Variants in BCAS3 observed in about 807,000 individuals in gnomAD.
The protein encoded by BCAS3 is BCAS4/BCAS3 fusion.
A neutral mutation model predicts 116.1 loss-of-function variants in BCAS3; 53 were observed. The observed-to-expected ratio is 0.46, with a 90% confidence interval of 0.37 to 0.57. BCAS3 has a LOEUF of 0.57. Ranked by LOEUF, BCAS3 falls within the 20% of genes least tolerant of loss-of-function variation. The pLI is 0.00. For synonymous variants in BCAS3, 391 were observed against 408.2 expected (o/e 0.96, Z 0.51); for missense variants, 917 against 1,165.4 (o/e 0.79, Z 3.10).
chr17:60,784,515 GGATGGTCTC>G (rs1430816773), intron 6 of BCAS3, among the ~76,000 whole-genome samples: 1 of 151,266 alleles, frequency 6.6e-6, no homozygotes, highest in African/African-American at 2.4e-5. Flanking sequence ...ATGTTAGCCA[GGATGGTCTC>G]GATCTCTTGA....
rs903442401 is a variant in BCAS3, at chr17:61,366,800, C to T, written c.2426-1527C>T. Among the ~76,000 whole-genome samples the T allele has an allele frequency of 9.2e-5, 14 of 152,198 alleles. No individual in the cohort carries two copies. Among genetic ancestry groups the T allele is most frequent in the East Asian group, 3.8e-4 (2 of 5,196 alleles). The stretch of plus-strand genomic sequence containing the variant: ...CAGGAATCTTCCCTACAATTAGGTA[C>T]GAGATAAATCAAAGCCAAACTTGGC... On this transcript the variant is annotated intron_variant, in intron 22 of 23. Coordinates refer to ENST00000407086, the MANE Select transcript of BCAS3 (RefSeq NM_017679.5). This position sits in a 1 kb window ranked among gnomAD's most constrained non-coding sequence, Gnocchi z 4.5.
intron 22 of BCAS3, among the ~76,000 whole-genome samples, chr17:61,209,067 C>T (rs746338497): frequency 2.7e-5 from 4 of 150,520 alleles, no homozygotes; most frequent in Non-Finnish European, 5.9e-5. Flanking sequence ...CTGCCAAATC[C>T]AAGTAAACAT....
chr17:61,040,719 G>A lies in BCAS3; in HGVS notation c.1929-73G>A, dbSNP rs1390589868. ...TGTGAGTTTAAGTCACTGTTCATAA[G>A]TGATGACAGTCATGGTGATTTACAT... On this transcript the variant is annotated intron_variant, in intron 18 of 23. Transcript: ENST00000407086. 9 of 1,215,750 alleles carry A rather than the reference G, an allele frequency of 7.4e-6. No homozygotes were observed. In the Middle Eastern group the frequency reaches 5.7e-4, roughly 77 times the overall value. The allele number at this position is 1,215,750 out of a possible 1,614,324, so 75.3% of individuals were successfully genotyped here. A position where few individuals can be genotyped will look rare whatever the true frequency, so the allele number is the denominator to read the frequency against.
chr17:61,081,135 C>T (rs1210878081), intron 21 of BCAS3, among the ~76,000 whole-genome samples: 3 of 152,148 alleles, frequency 2.0e-5, no homozygotes, highest in South Asian at 2.1e-4. Context: ...AATAATAAAG[C>T]GTTTAAAATA....
rs72247548 is a variant in BCAS3 at position 61,231,869 on chromosome 17, C to CAAA, written c.2426-136442_2426-136440dup. ...CTCAAGCCTGGAAGAGACCCTGTCTCAAAAAAAAAAAAAAAAAAGAAAGAG... is the reference window on the plus strand; with the variant it reads ...CTCAAGCCTGGAAGAGACCCTGTCTCAAAAAAAAAAAAAAAAAAAAAGAAAGAG... On this transcript the variant is annotated intron_variant, in intron 22 of 23. Transcript: ENST00000407086. Among the ~76,000 whole-genome samples the CAAA allele has an allele frequency of 1.3e-3, 131 of 100,368 alleles. 4 individuals are homozygous for CAAA. The highest frequency in any genetic ancestry group is 1.7e-3 in the Non-Finnish European group (94 of 53,976). 65.8% of individuals were successfully genotyped at this position (100,368 alleles called of 152,430 possible).
chr17:61,100,745 C>T (rs918170094), intron 22 of BCAS3, among the ~76,000 whole-genome samples: 2 of 152,188 alleles, frequency 1.3e-5, no homozygotes, highest in African/African-American at 4.8e-5. Context: ...CAAAGAGAAA[C>T]TGTGTGGCTA....
rs115210864 is a variant in BCAS3 at position 60,712,654 on chromosome 17, T to A, written c.321+3329T>A. 2.4e-3 allele frequency among the ~76,000 whole-genome samples: 372 copies of A among 152,322 alleles called. 1 individual carries two copies. Among genetic ancestry groups the A allele is most frequent in the African/African-American group, 8.4e-3 (350 of 41,574 alleles). On this transcript the variant is annotated intron_variant, in intron 5 of 23. Transcript: ENST00000407086. ...TATGACATGTGAGTAGTTTTGTAGT[T>A]AAGGTTTAGTTTTTGTAGAGGTGAA...
chr17:61,172,965 GC>G (rs2078939210), intron 22 of BCAS3, among the ~76,000 whole-genome samples: 1 of 150,182 alleles, frequency 6.7e-6, no homozygotes, highest in Non-Finnish European at 1.5e-5. Context: ...TCCAGCCTGG[GC>G]GACAGAGCAA....
In BCAS3 at chr17:61,087,505, T is replaced by C. The variant is rs2073181256; in HGVS notation, c.2425+2941T>C. The stretch of plus-strand genomic sequence containing the variant: ...CAGTTTTTAAAGTGAAAATATTTTA[T>C]TTAAATCTTGGGTCTGCAGTTTATT... On this transcript the variant is annotated intron_variant, in intron 22 of 23. Transcript: ENST00000407086. The surrounding 1 kb of genome is among the most constrained non-coding windows in gnomAD (Gnocchi z 4.6). The C allele has an allele frequency of 6.6e-6, 1 of 152,374 alleles. No individual in the cohort carries two copies. Among genetic ancestry groups the C allele is most frequent in the South Asian group, 2.1e-4 (1 of 4,832 alleles). 9.4% of individuals were successfully genotyped at this position (152,374 alleles called of 1,614,324 possible).
chr17:61,311,877 G>C (rs1195211703), intron 22 of BCAS3, among the ~76,000 whole-genome samples: 6 of 149,072 alleles, frequency 4.0e-5, no homozygotes, highest in Non-Finnish European at 8.8e-5. Flanking sequence ...CTGGGTGACA[G>C]AGCGAGACTC....
rs145514852 is a variant in BCAS3, at chr17:61,378,114, G to C, written c.2593+9620G>C. 4.7e-3 allele frequency: 715 copies of C among 152,414 alleles called. 1 individual carries two copies. The highest frequency in any genetic ancestry group is 7.4e-3 in the Non-Finnish European group (503 of 68,118). 9.4% of individuals were successfully genotyped at this position (152,414 alleles called of 1,614,324 possible). Reference sequence around the variant, plus strand: ...CCAGGCTCCTTGCCATCATGTTTCTGTCTCTTACAGGCCTTCCCCACCTTC... The same window carrying C: ...CCAGGCTCCTTGCCATCATGTTTCTCTCTCTTACAGGCCTTCCCCACCTTC... On this transcript the variant is annotated intron_variant, in intron 23 of 23. Coordinates refer to ENST00000407086, the MANE Select transcript of BCAS3 (RefSeq NM_017679.5). The surrounding 1 kb of genome is among the most constrained non-coding windows in gnomAD (Gnocchi z 5.8).
chr17:61,151,295 C>G lies in BCAS3; in HGVS notation c.2425+66731C>G, dbSNP rs1244710358. Reference sequence around the variant, plus strand: ...GTATATAATGCAAATATTCTAAGATCTGAAAAAATTCAAAATTCAAAGCAC... The same window carrying G: ...GTATATAATGCAAATATTCTAAGATGTGAAAAAATTCAAAATTCAAAGCAC... On this transcript the variant is annotated intron_variant, in intron 22 of 23. Transcript: ENST00000407086. The surrounding 1 kb of genome is among the most constrained non-coding windows in gnomAD (Gnocchi z 4.8). Among the ~76,000 whole-genome samples, 1 of 152,008 alleles carries G rather than the reference C, an allele frequency of 6.6e-6. No individual in the cohort carries two copies. The highest frequency in any genetic ancestry group is 2.4e-5 in the African/African-American group (1 of 41,374).
intron 22 of BCAS3, among the ~76,000 whole-genome samples, chr17:61,254,550 G>A (rs1213098636): frequency 4.6e-5 from 7 of 151,960 alleles, no homozygotes; most frequent in African/African-American, 9.6e-5. Flanking sequence ...AGGCCGTGGC[G>A]GGCGGATCAC....
At chr17:60,698,051 C>T (rs1193101444) in intron 4 of BCAS3, among the ~76,000 whole-genome samples, 1 of 151,488 alleles carries the variant, frequency 6.6e-6, no homozygotes. Flanking sequence ...TGGTGACGGG[C>T]GCCTGTAGTC....
chr17:61,208,283 G>A lies in BCAS3; in HGVS notation c.2425+123719G>A, dbSNP rs2081262261. ...CACTGTGTTTCATTTTGTCTAAAGC[G>A]GGACTCTTCTCCTCCCAGGGACCAG... On this transcript the variant is annotated intron_variant, in intron 22 of 23. Transcript: ENST00000407086. The surrounding 1 kb of genome is among the most constrained non-coding windows in gnomAD (Gnocchi z 4.5). 2.0e-5 allele frequency among the ~76,000 whole-genome samples: 3 copies of A among 152,086 alleles called. No individual in the cohort carries two copies. The highest frequency in any genetic ancestry group is 2.1e-4 in the South Asian group (1 of 4,818).
chr17:61,137,766 C>G (rs1476068277), intron 22 of BCAS3, among the ~76,000 whole-genome samples: 1 of 152,168 alleles, frequency 6.6e-6, no homozygotes, highest in South Asian at 2.1e-4. Flanking sequence ...GACTCCATCT[C>G]AAAAAGAAAA....
rs1198868845 is a variant in BCAS3 at position 60,995,830 on chromosome 17, TC to T, written c.1486+5596del. On this transcript the variant is annotated intron_variant, in intron 15 of 23. Coordinates refer to ENST00000407086, the MANE Select transcript of BCAS3 (RefSeq NM_017679.5). This position sits in a 1 kb window ranked among gnomAD's most constrained non-coding sequence, Gnocchi z 4.7. ...TAGCAGTGAACAAAAGAGAAACATGTCTGTGTTCCCATGGAGCCACAGAGAA... is the reference window on the plus strand; with the variant it reads ...TAGCAGTGAACAAAAGAGAAACATGTTGTGTTCCCATGGAGCCACAGAGAA... Among the ~76,000 whole-genome samples, 2 of 152,138 alleles carry T rather than the reference TC, an allele frequency of 1.3e-5. No homozygotes were observed. Among genetic ancestry groups the T allele is most frequent in the Non-Finnish European group, 2.9e-5 (2 of 68,014 alleles).
At chr17:60,917,439 CTT>C (rs2058830570) in intron 12 of BCAS3, among the ~76,000 whole-genome samples, 1 of 152,140 alleles carries the variant, frequency 6.6e-6, no homozygotes, top group Non-Finnish European at 1.5e-5. Context: ...GTTTATTTCA[CTT>C]AGCATAATAT....
At chr17:60,924,058 C>G (rs750267594) in intron 12 of BCAS3, among the ~76,000 whole-genome samples, 3 of 152,112 alleles carry the variant, frequency 2.0e-5, no homozygotes, top group Non-Finnish European at 4.4e-5. Context: ...CCTGTATTTC[C>G]TGTCCTTGGA....
Sources: gnomAD v4.1 joint callset for allele counts (sites outside exome capture counted in the v4.1 genomes callset) on GRCh38, gnomAD v4.1.1 for gene constraint, Gnocchi (gnomAD v3.1) non-coding constraint, MANE v1.5 for transcripts, NCBI Gene and HGNC (gene_info 2026-07-23, HGNC 2026-07-21) for gene names.